Variants in NCAM2 observed in about 807,000 individuals in gnomAD.
The protein encoded by NCAM2 is N-CAM-2.
In NCAM2, 30 loss-of-function variants were observed where a neutral mutation model predicts 98.1. The ratio of observed to expected loss-of-function variants is 0.31; its 90% CI spans 0.23 to 0.41. The LOEUF (loss-of-function observed/expected upper bound fraction) is 0.41, where lower values mean the gene tolerates loss of function less well. NCAM2 is among the 10% of genes least tolerant of loss of function. The probability of loss-of-function intolerance (pLI) is 1.00; values close to 1 mark genes in which losing one functional copy is unlikely to be tolerated. For missense variants in NCAM2, 867 were observed against 1,005.8 expected (o/e 0.86, Z 1.87); for synonymous variants, 368 against 342.4 (o/e 1.07, Z -0.83).
intron 1 of NCAM2, among the ~76,000 whole-genome samples, chr21:21,097,110 G>C (rs191590621): frequency 4.2e-4 from 64 of 151,726 alleles, no homozygotes; most frequent in African/African-American, 1.3e-3. Context: ...TAAACATCAC[G>C]TGGGTTTTTC....
chr21:21,324,363 T>C lies in NCAM2; in HGVS notation c.620-20T>C, dbSNP rs775134141. On this transcript the variant is annotated intron_variant, in intron 5 of 17. Coordinates refer to ENST00000400546, the MANE Select transcript of NCAM2 (RefSeq NM_004540.5). Reference sequence around the variant, plus strand: ...AAGGTGTTTTCGTCTCTATTTATTCTGTATTCATCTCTCCTTCAGTGCCGC... The same window carrying C: ...AAGGTGTTTTCGTCTCTATTTATTCCGTATTCATCTCTCCTTCAGTGCCGC... 4.4e-6 allele frequency: 7 copies of C among 1,580,908 alleles called. No individual in the cohort carries two copies. The highest frequency in any genetic ancestry group is 1.1e-5 in the South Asian group (1 of 89,564).
chr21:21,135,071 T>G (rs1395519419), intron 1 of NCAM2, among the ~76,000 whole-genome samples: 45 of 79,914 alleles, frequency 5.6e-4, no homozygotes, highest in African/African-American at 2.4e-3. Flanking sequence ...CCGTCTCTAC[T>G]AAAAATACAA....
At position 21,541,532 on chromosome 21, in the gene NCAM2, A is replaced by G. The variant is rs190126343; in HGVS notation, c.*3575A>G. The G allele has an allele frequency of 6.6e-6, 1 of 151,888 alleles. No homozygotes were observed. The highest frequency in any genetic ancestry group is 6.6e-5 in the Admixed American group (1 of 15,216). The allele number at this position is 151,888 out of a possible 1,614,324, so 9.4% of individuals were successfully genotyped here. ...GTTGAAATTAAATTTTGCCAGTTGTAAGACAAAGACAACAGATAACTTTTG... is the reference window on the plus strand; with the variant it reads ...GTTGAAATTAAATTTTGCCAGTTGTGAGACAAAGACAACAGATAACTTTTG... On this transcript the variant is annotated 3_prime_UTR_variant, in exon 18 of 18. Coordinates refer to ENST00000400546, the MANE Select transcript of NCAM2 (RefSeq NM_004540.5).
At chr21:21,006,551 T>C (rs1202460331) in intron 1 of NCAM2, among the ~76,000 whole-genome samples, 1 of 152,118 alleles carries the variant, frequency 6.6e-6, no homozygotes, top group Non-Finnish European at 1.5e-5. Context: ...TACATGATTT[T>C]CTCCACTCAT....
chr21:21,293,888 T>C (rs1475070119), intron 5 of NCAM2, among the ~76,000 whole-genome samples: 1 of 151,574 alleles, frequency 6.6e-6, no homozygotes, highest in African/African-American at 2.4e-5. Context: ...AATTAATATA[T>C]GTAAAATTCT....
intron 15 of NCAM2, among the ~76,000 whole-genome samples, chr21:21,502,063 A>C (rs1210875717): frequency 6.6e-6 from 1 of 151,888 alleles, no homozygotes; most frequent in Non-Finnish European, 1.5e-5. Flanking sequence ...AATTTTGCCT[A>C]GTTGTTTTGC....
chr21:21,385,342 A>C (rs1373085925), intron 9 of NCAM2, among the ~76,000 whole-genome samples: 1 of 151,222 alleles, frequency 6.6e-6, no homozygotes, highest in South Asian at 2.1e-4. Context: ...TATGGAGACA[A>C]AAAATTACAA....
At chr21:21,137,306 A>G (rs1270269443) in intron 1 of NCAM2, among the ~76,000 whole-genome samples, 2 of 152,238 alleles carry the variant, frequency 1.3e-5, no homozygotes, top group African/African-American at 4.8e-5. Context: ...AAAAGAAATT[A>G]TTTACAAATT....
intron 12 of NCAM2, among the ~76,000 whole-genome samples, chr21:21,462,662 T>C (rs555607619): frequency 2.0e-5 from 3 of 152,064 alleles, no homozygotes; most frequent in Admixed American, 2.0e-4. Context: ...GTGTTTTTAA[T>C]GTATCTTGAC....
chr21:21,315,647 G>T (rs1226902142), intron 5 of NCAM2, among the ~76,000 whole-genome samples: 1 of 152,144 alleles, frequency 6.6e-6, no homozygotes, highest in Non-Finnish European at 1.5e-5. Context: ...GAACTGGAAG[G>T]CTTCTCTTTC....
At chr21:21,294,620 C>G (rs1460457132) in intron 5 of NCAM2, among the ~76,000 whole-genome samples, 3 of 151,722 alleles carry the variant, frequency 2.0e-5, no homozygotes, top group Non-Finnish European at 4.4e-5. Context: ...TTTTAAATAA[C>G]AGTGTTCATA....
intron 1 of NCAM2, among the ~76,000 whole-genome samples, chr21:21,228,791 C>A (rs1438179907): frequency 6.6e-6 from 1 of 151,358 alleles, no homozygotes. Context: ...GGATATTAGT[C>A]ATATCTGCTG....
chr21:21,306,883 C>G (rs989576472), intron 5 of NCAM2, among the ~76,000 whole-genome samples: 2 of 150,224 alleles, frequency 1.3e-5, no homozygotes, highest in African/African-American at 4.9e-5. Flanking sequence ...TCCTTGTACT[C>G]TCTGTTCCCT....
At chr21:21,259,238 T>C (rs1250146469) in intron 1 of NCAM2, among the ~76,000 whole-genome samples, 1 of 152,142 alleles carries the variant, frequency 6.6e-6, no homozygotes, top group East Asian at 1.9e-4. Flanking sequence ...CATAGAGTTG[T>C]CTGCTCTGGA....
intron 1 of NCAM2, among the ~76,000 whole-genome samples, chr21:21,059,422 A>G (rs2065277056): frequency 6.6e-6 from 1 of 152,112 alleles, no homozygotes; most frequent in Admixed American, 6.6e-5. Context: ...ATTTAAATAA[A>G]ATTAATATTT....
chr21:21,225,557 A>C (rs2070348117), intron 1 of NCAM2, among the ~76,000 whole-genome samples: 1 of 152,094 alleles, frequency 6.6e-6, no homozygotes, highest in African/African-American at 2.4e-5. Flanking sequence ...AATGATGCTA[A>C]ATAACTTATT....
At chr21:21,524,320 AT>A in intron 16 of NCAM2, among the ~76,000 whole-genome samples, 1 of 152,186 alleles carries the variant, frequency 6.6e-6, no homozygotes, top group South Asian at 2.1e-4. Flanking sequence ...AAGCATAAAA[AT>A]ATGTGAGGCA....
intron 8 of NCAM2, among the ~76,000 whole-genome samples, chr21:21,358,939 A>C (rs1222558648): frequency 6.6e-6 from 1 of 151,798 alleles, no homozygotes; most frequent in Non-Finnish European, 1.5e-5. Flanking sequence ...TGTTTCTTCA[A>C]TTTTCTTCTG....
At chr21:21,195,366 T>A (rs1443068990) in intron 1 of NCAM2, among the ~76,000 whole-genome samples, 1 of 152,172 alleles carries the variant, frequency 6.6e-6, no homozygotes, top group Non-Finnish European at 1.5e-5. Flanking sequence ...TGAGTATGTA[T>A]CTCATCCATA....
Sources: allele counts gnomAD v4.1 joint callset (sites outside exome capture counted in the v4.1 genomes callset), GRCh38; gene constraint gnomAD v4.1.1; transcripts MANE v1.5; gene names NCBI Gene and HGNC (gene_info 2026-07-23, HGNC 2026-07-21).